ATP13A1: variants seen among roughly 807,000 people sequenced by gnomAD.
ATP13A1 encodes ATPase 13A1.
A neutral mutation model predicts 134.8 loss-of-function variants in ATP13A1; 55 were observed. The ratio of observed to expected loss-of-function variants is 0.41; its 90% confidence interval spans 0.33 to 0.51. ATP13A1 has a LOEUF of 0.51. ATP13A1 is among the 20% of genes least tolerant of loss of function. The pLI, the probability that ATP13A1 is intolerant of heterozygous loss-of-function variation, is 0.29. For missense variants in ATP13A1, 1,389 were observed against 1,652.8 expected, an observed-to-expected ratio of 0.84 and a Z score of 2.77; for synonymous variants, 775 against 725.1, an observed-to-expected ratio of 1.07 and a Z score of -1.10.
intron 3 of ATP13A1, among the ~76,000 whole-genome samples, chr19:19,658,902 A>C (rs2145017271): frequency 6.6e-6 from 1 of 152,100 alleles, no homozygotes; most frequent in East Asian, 1.9e-4. Context: ...CAGGAGTTTG[A>C]GACAAGCCTG....
In ATP13A1 at chr19:19,652,777, A is replaced by G. The variant is rs1432257658; in HGVS notation, c.2101-57T>C. On this transcript the variant is annotated intron_variant, in intron 15 of 25. Coordinates refer to ENST00000357324, the MANE Select transcript of ATP13A1 (RefSeq NM_020410.3). Reference sequence around the variant, plus strand: ...GTCCCTCCCTCTGCCCACACTCTGCATTTCCTGAGCTCTGACCATGCGCTG... The same window carrying G: ...GTCCCTCCCTCTGCCCACACTCTGCGTTTCCTGAGCTCTGACCATGCGCTG... 39 of 1,549,110 alleles carry G rather than the reference A, an allele frequency of 2.5e-5. No homozygotes were observed. The East Asian group carries it at 8.9e-4, about 35-fold the overall frequency.
intron 1 of ATP13A1, among the ~76,000 whole-genome samples, chr19:19,661,419 G>A (rs1159562147): frequency 6.6e-6 from 1 of 152,162 alleles, no homozygotes; most frequent in African/African-American, 2.4e-5. Flanking sequence ...TGTTTTCTCT[G>A]CCCGGAATAC....
chr19:19,662,450 A>G, intron 1 of ATP13A1: 1 of 849,080 alleles, frequency 1.2e-6, no homozygotes, highest in Non-Finnish European at 1.4e-6. Flanking sequence ...TCAGAGGGGA[A>G]GCTTCCTGAT....
At position 19,652,738 on chromosome 19, in the gene ATP13A1, C is replaced by A; in HGVS notation, c.2101-18G>T. The A allele has an allele frequency of 6.3e-7, 1 of 1,594,434 alleles. No individual in the cohort carries two copies. The highest frequency in any genetic ancestry group is 8.5e-7 in the Non-Finnish European group (1 of 1,173,564). ...TCCCGGGCCTGCGGACAGACAGGGGCACCCTCACCATCTGTCCCTCCCTCT... is the reference window on the plus strand; with the variant it reads ...TCCCGGGCCTGCGGACAGACAGGGGAACCCTCACCATCTGTCCCTCCCTCT... On this transcript the variant is annotated intron_variant, in intron 15 of 25. Transcript: ENST00000357324.
Position 19,655,504 on chromosome 19 carries a change from G to A in ATP13A1, c.1396+24C>T, listed in dbSNP as rs1428757219. Reference sequence around the variant, plus strand: ...GGAGCCTCGGAGGGTGGGCGCAGGGGACCACAGAGGCCGTGGCGCTTACCT... The same window carrying A: ...GGAGCCTCGGAGGGTGGGCGCAGGGAACCACAGAGGCCGTGGCGCTTACCT... On this transcript the variant is annotated intron_variant, in intron 10 of 25. Transcript: ENST00000357324. This position sits in a 1 kb window ranked among gnomAD's most constrained non-coding sequence, Gnocchi z 5.7. 2 of 1,613,944 alleles carry A rather than the reference G, an allele frequency of 1.2e-6. No individual in the cohort carries two copies. The highest frequency in any genetic ancestry group is 1.3e-5 in the African/African-American group (1 of 75,042).
In ATP13A1 at chr19:19,653,963, G is replaced by A. The variant is rs1368261042; in HGVS notation, c.1989+6C>T. On this transcript the variant is annotated splice_donor_region_variant and intron_variant, in intron 14 of 25. Coordinates refer to ENST00000357324, the MANE Select transcript of ATP13A1 (RefSeq NM_020410.3). The surrounding 1 kb of genome is among the most constrained non-coding windows in gnomAD (Gnocchi z 4.2). ...CACCCCTTGCCCCAGGCTGGGGCCA[G>A]CTCACCATGGAGTGCAGAGTTTCGG... 1.9e-6 allele frequency: 3 copies of A among 1,590,122 alleles called. No individual in the cohort carries two copies. The highest frequency in any genetic ancestry group is 1.8e-5 in the Admixed American group (1 of 56,022).
chr19:19,649,938 G>C lies in ATP13A1; in HGVS notation c.2338C>G (p.Arg780Gly). Residue 780 changes from arginine to glycine, a missense_variant and splice_region_variant, in exon 18 of 26, where the codon CGG becomes GGG. Around this residue, in one of 4 missense-constraint regions of ATP13A1, gnomAD observed 747 missense variants for 956.1 expected, o/e 0.78. Coordinates refer to ENST00000357324, the MANE Select transcript of ATP13A1 (RefSeq NM_020410.3). ...TCAATGGAGCGCCACTCGCACTGCC[G>C]GCCTGCGGGCAGCACCTAGGGTTAG... is the stretch of plus-strand genomic sequence containing the variant. Reference protein sequence around the residue: ...LILQPPSEKGRQCEWRSIDGS... With the variant: ...LILQPPSEKGGQCEWRSIDGS... 2 of 1,587,294 alleles carry C rather than the reference G, an allele frequency of 1.3e-6. No homozygotes were observed. The highest frequency in any genetic ancestry group is 1.7e-6 in the Non-Finnish European group (2 of 1,175,198).
At position 19,659,825 on chromosome 19, in the gene ATP13A1, CT is replaced by C. The variant is rs771895875; in HGVS notation, c.487-35del. On this transcript the variant is annotated intron_variant, in intron 2 of 25. Coordinates refer to ENST00000357324, the MANE Select transcript of ATP13A1 (RefSeq NM_020410.3). Reference sequence around the variant, plus strand: ...GAAGGTGTGTTTGCCACAGAGGCCCCTGACCTTGGGGTGTCAGCGCCTGGGA... The same window carrying C: ...GAAGGTGTGTTTGCCACAGAGGCCCCGACCTTGGGGTGTCAGCGCCTGGGA... 5 of 1,607,294 alleles carry C rather than the reference CT, an allele frequency of 3.1e-6. No individual in the cohort carries two copies. The African/African-American group carries it at 5.3e-5, about 17-fold the overall frequency.
chr19:19,655,669 G>A lies in ATP13A1; in HGVS notation c.1270-15C>T, dbSNP rs556959482. 2 of 1,610,344 alleles carry A rather than the reference G, an allele frequency of 1.2e-6. No homozygotes were observed. The highest frequency in any genetic ancestry group is 1.7e-5 in the Admixed American group (1 of 59,532). ...AGCAGCTTGCCCTGGAGGAATGGAG[G>A]AACAGCCTTTCTGCTGTCTGGACTC... On this transcript the variant is annotated splice_polypyrimidine_tract_variant and intron_variant, in intron 9 of 25. Transcript: ENST00000357324. The surrounding 1 kb of genome is among the most constrained non-coding windows in gnomAD (Gnocchi z 5.7).
In ATP13A1 at chr19:19,646,026, C is replaced by T. The variant is rs111392864; in HGVS notation, c.3249-41G>A. The T allele has an allele frequency of 7.8e-4, 1,250 of 1,605,278 alleles. 10 individuals are homozygous for T. In the African/African-American group the frequency reaches 0.014, roughly 18 times the overall value. On this transcript the variant is annotated intron_variant, in intron 23 of 25. Transcript: ENST00000357324. ...GGAGTCAGGGCCCCCTCTCCTGCTCCGGCTCACACACACTGTGTGGCTTCC... is the reference window on the plus strand; with the variant it reads ...GGAGTCAGGGCCCCCTCTCCTGCTCTGGCTCACACACACTGTGTGGCTTCC...
At position 19,647,355 on chromosome 19, in the gene ATP13A1, T is replaced by C; in HGVS notation, c.2909-30A>G. On this transcript the variant is annotated intron_variant, in intron 21 of 25. Transcript: ENST00000357324. The surrounding 1 kb of genome is among the most constrained non-coding windows in gnomAD (Gnocchi z 4.8). ...AGGGTGGTGGGGAGGCAGGTGTGGGTGTGGGTAGGGGTGCCAAGGGGGGAA... is the reference window on the plus strand; with the variant it reads ...AGGGTGGTGGGGAGGCAGGTGTGGGCGTGGGTAGGGGTGCCAAGGGGGGAA... The C allele has an allele frequency of 6.5e-7, 1 of 1,547,326 alleles. No individual in the cohort carries two copies. The highest frequency in any genetic ancestry group is 1.1e-5 in the South Asian group (1 of 87,838).
At chr19:19,646,437 C>T (rs1274551868) in intron 22 of ATP13A1, 90 bp from the exon 23 acceptor site, 15 of 1,482,804 alleles carry the variant, frequency 1.0e-5, no homozygotes, top group African/African-American at 4.1e-5. Context: ...CCCTGCCTCC[C>T]GGGAGACCTT....
rs766317743 is a variant in ATP13A1 at position 19,656,191 on chromosome 19, G to A, written c.1084-8C>T. 2 of 1,593,028 alleles carry A rather than the reference G, an allele frequency of 1.3e-6. No individual in the cohort carries two copies. Among genetic ancestry groups the A allele is most frequent in the South Asian group, 1.1e-5 (1 of 88,828 alleles). On this transcript the variant is annotated splice_region_variant and splice_polypyrimidine_tract_variant and intron_variant, in intron 7 of 25. Coordinates refer to ENST00000357324, the MANE Select transcript of ATP13A1 (RefSeq NM_020410.3). This position sits in a 1 kb window ranked among gnomAD's most constrained non-coding sequence, Gnocchi z 4.6. Reference sequence around the variant, plus strand: ...GAGGTCTTCGATGGGCTCCTGGGGAGGAAGATCGTGAATCTGGATGGCCAG... The same window carrying A: ...GAGGTCTTCGATGGGCTCCTGGGGAAGAAGATCGTGAATCTGGATGGCCAG...
At position 19,662,364 on chromosome 19, in the gene ATP13A1, G is replaced by A. The variant is rs2062100251; in HGVS notation, c.396+907C>T. On this transcript the variant is annotated intron_variant, in intron 1 of 25. Coordinates refer to ENST00000357324, the MANE Select transcript of ATP13A1 (RefSeq NM_020410.3). ...CTACCCACATTCAGAGCCAGCCAGG[G>A]TGGGGGGCTTCTGTCTTTCTGTAGC... 5 of 985,296 alleles carry A rather than the reference G, an allele frequency of 5.1e-6. No homozygotes were observed. The South Asian group carries it at 1.4e-4, about 28-fold the overall frequency. The allele number at this position is 985,296 out of a possible 1,614,324, so 61.0% of individuals were successfully genotyped here.
At chr19:19,651,628 T>C in intron 17 of ATP13A1, 61 bp downstream of exon 17, 7 of 1,358,664 alleles carry the variant, frequency 5.2e-6, no homozygotes, top group South Asian at 2.5e-5. Flanking sequence ...GCTGTTGCGA[T>C]GGGAGCTGTT....
intron 3 of ATP13A1, 66 bp downstream of exon 3, chr19:19,659,535 G>C: frequency 7.5e-7 from 1 of 1,337,426 alleles, no homozygotes. Flanking sequence ...CGCTTCCTAG[G>C]CACCCTGAAT....
Position 19,655,952 on chromosome 19 carries a change from T to A in ATP13A1, c.1214-19A>T. The A allele has an allele frequency of 6.2e-7, 1 of 1,605,090 alleles. No homozygotes were observed. Among genetic ancestry groups the A allele is most frequent in the South Asian group, 1.1e-5 (1 of 90,360 alleles). On this transcript the variant is annotated intron_variant, in intron 8 of 25. Transcript: ENST00000357324. This position sits in a 1 kb window ranked among gnomAD's most constrained non-coding sequence, Gnocchi z 5.7. ...TCAACCGCTGGGGAGAGAAGCAGAG[T>A]CACCGTCATGCCTGTCTCCTCGTCC...
Position 19,647,331 on chromosome 19 carries a change from G to A in ATP13A1, c.2909-6C>T, listed in dbSNP as rs2061992291. On this transcript the variant is annotated splice_polypyrimidine_tract_variant and splice_region_variant and intron_variant, in intron 21 of 25. Coordinates refer to ENST00000357324, the MANE Select transcript of ATP13A1 (RefSeq NM_020410.3). This position sits in a 1 kb window ranked among gnomAD's most constrained non-coding sequence, Gnocchi z 4.8. Reference sequence around the variant, plus strand: ...CTGCTTGATCACGTGGCAGACTGCAGGGTGGTGGGGAGGCAGGTGTGGGTG... The same window carrying A: ...CTGCTTGATCACGTGGCAGACTGCAAGGTGGTGGGGAGGCAGGTGTGGGTG... 3.1e-6 allele frequency: 5 copies of A among 1,612,092 alleles called. No individual in the cohort carries two copies. The Admixed American group carries it at 8.3e-5, about 27-fold the overall frequency.
rs752516080 is a variant in ATP13A1 at position 19,655,326 on chromosome 19, C to T, written c.1524G>A (p.Leu508=). 1 of 1,613,942 alleles carries T rather than the reference C, an allele frequency of 6.2e-7. No homozygotes were observed. Among genetic ancestry groups the T allele is most frequent in the South Asian group, 1.1e-5 (1 of 91,086 alleles). ...SLAVNTSLIA[L]AKLYMYCTEP... ...ATTTGACACACTCACAGAGCTTGGC[C>T]AGGGCGATGAGGGAGGTGTTGACGG... The change falls in exon 11 of 26, where the codon CTG becomes CTA. Residue 508 remains leucine (L), a synonymous_variant. Coordinates refer to ENST00000357324, the MANE Select transcript of ATP13A1 (RefSeq NM_020410.3). The surrounding 1 kb of genome is among the most constrained non-coding windows in gnomAD (Gnocchi z 5.7).
Sources: allele counts gnomAD v4.1 joint callset (sites outside exome capture counted in the v4.1 genomes callset), GRCh38; gene constraint gnomAD v4.1.1; regional missense constraint gnomAD v4.1.1; non-coding constraint Gnocchi (gnomAD v3.1); transcripts MANE v1.5; gene names NCBI Gene and HGNC (gene_info 2026-07-23, HGNC 2026-07-21).